Variants in HMGN1 observed in about 807,000 individuals in gnomAD.
HMGN1 encodes non-histone chromosomal protein HMG-14.
In HMGN1, 9 loss-of-function variants were observed where a neutral mutation model predicts 18.4. The observed-to-expected ratio is 0.49, with a 90% CI of 0.29 to 0.85. The LOEUF (loss-of-function observed/expected upper bound fraction) is 0.85, where lower values mean the gene tolerates loss of function less well. HMGN1 is among the 40% of genes least tolerant of loss of function. The pLI is 0.07. For synonymous variants in HMGN1, 59 were observed against 45.0 expected (o/e 1.31, Z -1.24); for missense variants, 151 against 119.2 (o/e 1.27, Z -1.24).
intron 4 of HMGN1, chr21:39,346,966 G>C (rs770639759): frequency 1.3e-5 from 2 of 152,096 alleles, no homozygotes; most frequent in South Asian, 4.1e-4. Flanking sequence ...TCACTTTACA[G>C]TAGATCTCAA....
At position 39,342,928 on chromosome 21, in the gene HMGN1, G is replaced by T; in HGVS notation, c.*184C>A. On this transcript the variant is annotated 3_prime_UTR_variant, in exon 6 of 6. Coordinates refer to ENST00000380749, the MANE Select transcript of HMGN1 (RefSeq NM_004965.7). ...ACCAAAAAATAAACAACCAGCAAATGATTTCACCTCTTAAAAAAAAGCATT... is the reference window on the plus strand; with the variant it reads ...ACCAAAAAATAAACAACCAGCAAATTATTTCACCTCTTAAAAAAAAGCATT... 4.8e-6 allele frequency: 6 copies of T among 1,247,778 alleles called. No individual in the cohort carries two copies. The highest frequency in any genetic ancestry group is 1.3e-5 in the South Asian group (1 of 76,914). 77.3% of individuals were successfully genotyped at this position (1,247,778 alleles called of 1,614,324 possible).
chr21:39,347,979 A>T (rs1162377005), intron 4 of HMGN1: 3 of 1,275,394 alleles, frequency 2.4e-6, no homozygotes. Flanking sequence ...AGGAAGTACA[A>T]GCACGAATTA....
chr21:39,347,145 T>G (rs2037085261), intron 4 of HMGN1: 1 of 176,510 alleles, frequency 5.7e-6, no homozygotes, highest in African/African-American at 2.4e-5. Flanking sequence ...AGCTAATTTT[T>G]TAGGCCTTCA....
intron 4 of HMGN1, chr21:39,345,743 C>T: frequency 1.0e-6 from 1 of 977,198 alleles, no homozygotes; most frequent in Non-Finnish European, 1.4e-6. Context: ...GTCTCGTCGA[C>T]CGTATTCCCA....
chr21:39,348,750 G>A lies in HMGN1; in HGVS notation c.15+153C>T, dbSNP rs1330075878. ...AACGTTCCAGAACGCCCGCCCCCGC[G>A]GCCGCCGAGCGCTCGCCTGCCCGCC... On this transcript the variant is annotated intron_variant, in intron 1 of 5. Coordinates refer to ENST00000380749, the MANE Select transcript of HMGN1 (RefSeq NM_004965.7). 9.2e-6 allele frequency: 10 copies of A among 1,081,966 alleles called. No individual in the cohort carries two copies. In the African/African-American group the frequency reaches 1.3e-4, roughly 15 times the overall value. 67.0% of individuals were successfully genotyped at this position (1,081,966 alleles called of 1,614,324 possible).
rs968006942 is a variant in HMGN1 at position 39,343,034 on chromosome 21, A to G, written c.*78T>C. The stretch of plus-strand genomic sequence containing the variant: ...AGCTACTAAAAAACTTGCATTTACA[A>G]AATAGTTGATAAAAATATTCCTCTG... On this transcript the variant is annotated 3_prime_UTR_variant, in exon 6 of 6. Transcript: ENST00000380749. The G allele has an allele frequency of 7.5e-7, 1 of 1,330,140 alleles. No homozygotes were observed. The highest frequency in any genetic ancestry group is 1.5e-5 in the African/African-American group (1 of 68,118). The allele number at this position is 1,330,140 out of a possible 1,614,324, so 82.4% of individuals were successfully genotyped here. A position where few individuals can be genotyped will look rare whatever the true frequency, so the allele number is the denominator to read the frequency against.
chr21:39,342,842 C>G lies in HMGN1; in HGVS notation c.*270G>C. 6.9e-7 allele frequency: 1 copy of G among 1,449,492 alleles called. No homozygotes were observed. The highest frequency in any genetic ancestry group is 1.2e-5 in the South Asian group (1 of 82,348). 89.8% of individuals were successfully genotyped at this position (1,449,492 alleles called of 1,614,324 possible). A position where few individuals can be genotyped will look rare whatever the true frequency, so the allele number is the denominator to read the frequency against. On this transcript the variant is annotated 3_prime_UTR_variant, in exon 6 of 6. Transcript: ENST00000380749. Reference sequence around the variant, plus strand: ...AACCCCCCATCTGTGGAATGTTAAGCTGACACCCGAGACAGTCAGAGCCTC... The same window carrying G: ...AACCCCCCATCTGTGGAATGTTAAGGTGACACCCGAGACAGTCAGAGCCTC...
Position 39,343,045 on chromosome 21 carries a change from A to T in HMGN1, c.*67T>A. The T allele has an allele frequency of 7.5e-7, 1 of 1,336,960 alleles. No individual in the cohort carries two copies. The highest frequency in any genetic ancestry group is 1.1e-6 in the Non-Finnish European group (1 of 937,060). 82.8% of individuals were successfully genotyped at this position (1,336,960 alleles called of 1,614,324 possible). A position where few individuals can be genotyped will look rare whatever the true frequency, so the allele number is the denominator to read the frequency against. On this transcript the variant is annotated 3_prime_UTR_variant, in exon 6 of 6. Transcript: ENST00000380749. ...AACTTGCATTTACAAAATAGTTGAT[A>T]AAAATATTCCTCTGGATTGTACAAG...
At chr21:39,347,504 G>T in intron 4 of HMGN1, 2 of 1,166,308 alleles carry the variant, frequency 1.7e-6, no homozygotes, top group Non-Finnish European at 1.2e-6. Context: ...AGAGGTGAAG[G>T]CATTAACAAA....
At chr21:39,345,839 A>T (rs1432372629) in intron 4 of HMGN1, 2 of 1,301,512 alleles carry the variant, frequency 1.5e-6, no homozygotes, top group Non-Finnish European at 1.0e-6. Flanking sequence ...CCTGAAAAAA[A>T]GCACCATGCC....
intron 4 of HMGN1, chr21:39,347,781 A>C (rs2037108046): frequency 3.3e-6 from 1 of 303,634 alleles, no homozygotes; most frequent in Admixed American, 5.1e-5. Context: ...GTTTTGTATA[A>C]CTGCTGATGA....
At position 39,345,381 on chromosome 21, in the gene HMGN1, G is replaced by C. The variant is rs1018157916; in HGVS notation, c.127-107C>G. The C allele has an allele frequency of 3.4e-5, 37 of 1,073,158 alleles. No individual in the cohort carries two copies. The African/African-American group carries it at 4.1e-4, about 12-fold the overall frequency. 66.5% of individuals were successfully genotyped at this position (1,073,158 alleles called of 1,614,324 possible). ...GACAAGTAATGTGCCCAGTGGTGCT[G>C]ACTTCATAGTAAGGTTTGAGAGAGG... On this transcript the variant is annotated intron_variant, in intron 4 of 5. Transcript: ENST00000380749.
Position 39,349,036 on chromosome 21 carries a change from TC to T in HMGN1, c.-120del. On this transcript the variant is annotated 5_prime_UTR_variant, in exon 1 of 6. Transcript: ENST00000380749. Reference sequence around the variant, plus strand: ...TGGGCTGCCTTGCCGCTGCCACTCCTCCCGCCGCCCGAGCTGCTGAGACCCA... The same window carrying T: ...TGGGCTGCCTTGCCGCTGCCACTCCTCCGCCGCCCGAGCTGCTGAGACCCA... 1 of 1,107,868 alleles carries T rather than the reference TC, an allele frequency of 9.0e-7. No homozygotes were observed. The highest frequency in any genetic ancestry group is 1.1e-6 in the Non-Finnish European group (1 of 887,996). The allele number at this position is 1,107,868 out of a possible 1,614,324, so 68.6% of individuals were successfully genotyped here.
chr21:39,348,607 C>T (rs750716703), intron 1 of HMGN1, 30 bp from the exon 2 acceptor site: 22 of 1,510,044 alleles, frequency 1.5e-5, no homozygotes, highest in South Asian at 1.3e-4. Context: ...CGAATAGAGG[C>T]GGGCCGCAGT....
intron 5 of HMGN1, 151 bp from the exon 6 acceptor site, chr21:39,343,310 C>G (rs2036929044): frequency 1.5e-6 from 1 of 684,410 alleles, no homozygotes; most frequent in South Asian, 2.0e-5. Context: ...TAACCACCCC[C>G]TCACCCCAAA....
chr21:39,348,431 C>A lies in HMGN1; in HGVS notation c.69G>T (p.Arg23=), dbSNP rs1201778986. The A allele has an allele frequency of 1.9e-6, 3 of 1,614,224 alleles. No homozygotes were observed. The South Asian group carries it at 3.3e-5, about 18-fold the overall frequency. ...AKEEPKRRSA[R]LSAKPPAKVE... Reference sequence around the variant, plus strand: ...GGCTCGCTTTACTTACAGCTGACAACCGCGCCGATCTCCTCTTGGGCTTGG... The same window carrying A: ...GGCTCGCTTTACTTACAGCTGACAAACGCGCCGATCTCCTCTTGGGCTTGG... The change falls in exon 3 of 6, where the codon CGG becomes CGT. Residue 23 remains arginine, a synonymous_variant. Transcript: ENST00000380749.
chr21:39,347,957 T>C (rs1446297633), intron 4 of HMGN1: 2 of 1,191,286 alleles, frequency 1.7e-6, no homozygotes, highest in African/African-American at 1.7e-5. Context: ...TTGACTCTTT[T>C]ATTGTCAAAA....
rs2037124261 is a variant in HMGN1, at chr21:39,348,104, G to A, written c.126+188C>T. ...TCCTAACATCTGCAGCAGCATTAGT[G>A]TGATATAGTTCTATAAACCAGGATG... On this transcript the variant is annotated intron_variant, in intron 4 of 5. Coordinates refer to ENST00000380749, the MANE Select transcript of HMGN1 (RefSeq NM_004965.7). 11 of 886,726 alleles carry A rather than the reference G, an allele frequency of 1.2e-5. No homozygotes were observed. The South Asian group carries it at 1.6e-4, about 13-fold the overall frequency. The allele number at this position is 886,726 out of a possible 1,614,324, so 54.9% of individuals were successfully genotyped here.
rs1601558041 is a variant in HMGN1 at position 39,347,647 on chromosome 21, A to C, written c.126+645T>G. The stretch of plus-strand genomic sequence containing the variant: ...AACACAAAGCTTATACTTGTTTTAC[A>C]CATGTTCTGCTTTTCCACCCTGCAA... On this transcript the variant is annotated intron_variant, in intron 4 of 5. Transcript: ENST00000380749. The C allele has an allele frequency of 9.1e-6, 3 of 328,756 alleles. 1 individual carries two copies. Among genetic ancestry groups the C allele is most frequent in the Middle Eastern group, 1.1e-3 (1 of 888 alleles). The allele number at this position is 328,756 out of a possible 1,614,324, so 20.4% of individuals were successfully genotyped here.
Sources: allele counts gnomAD v4.1 joint callset, GRCh38; gene constraint gnomAD v4.1.1; transcripts MANE v1.5; gene names NCBI Gene and HGNC (gene_info 2026-07-23, HGNC 2026-07-21).